Variants in STS observed in about 807,000 individuals in gnomAD.
STS encodes the protein steroid sulfatase.
Under a neutral mutation model 26.8 loss-of-function variants are expected in STS, and 7 were observed. The observed-to-expected ratio is 0.26, with a 90% CI of 0.15 to 0.49. STS has a LOEUF of 0.49. Among genes scored for constraint, STS ranks in the 20% least tolerant of loss-of-function variants. The pLI is 0.98. For missense variants in STS, 434 were observed against 465.6 expected, an observed-to-expected ratio of 0.93 and a Z score of 0.63; for synonymous variants, 199 against 189.4, an observed-to-expected ratio of 1.05 and a Z score of -0.42.
At chrX:7,262,814 G>C (rs186664906) in intron 6 of STS, among the ~76,000 whole-genome samples, 59 of 111,392 alleles carry the variant, frequency 5.3e-4, no homozygotes, top group Non-Finnish European at 8.1e-4. Flanking sequence ...AAGTAAAAAA[G>C]GTAGGCACAC....
intron 2 of STS, among the ~76,000 whole-genome samples, chrX:7,228,443 T>C (rs1288488208): frequency 8.9e-6 from 1 of 111,926 alleles, no homozygotes; most frequent in Non-Finnish European, 1.9e-5. Flanking sequence ...TGATCTCTCA[T>C]TGTGTGTGGG....
intron 8 of STS, among the ~76,000 whole-genome samples, chrX:7,318,113 A>T (rs1394678197): frequency 8.9e-6 from 1 of 111,750 alleles, no homozygotes; most frequent in Non-Finnish European, 1.9e-5. Context: ...ATCAAGAGTT[A>T]ATAAAGTCAC....
intron 7 of STS, among the ~76,000 whole-genome samples, chrX:7,297,132 A>T (rs1925704402): frequency 8.9e-6 from 1 of 112,229 alleles, no homozygotes; most frequent in South Asian, 3.7e-4. Flanking sequence ...GAGCATTGTT[A>T]CTGAGAACTG....
At chrX:7,165,413 C>G (rs1336317207) in intron 1 of STS, among the ~76,000 whole-genome samples, 1 of 110,770 alleles carries the variant, frequency 9.0e-6, no homozygotes, top group Non-Finnish European at 1.9e-5. Context: ...TGTTGGGAGG[C>G]CAAGGAGGGC....
At chrX:7,274,925 A>G (rs1307421788) in intron 6 of STS, among the ~76,000 whole-genome samples, 1 of 112,181 alleles carries the variant, frequency 8.9e-6, no homozygotes, top group Non-Finnish European at 1.9e-5. Context: ...GTAATTGACA[A>G]CTGAAGGTAC....
chrX:7,233,154 C>T (rs1320145348), intron 2 of STS, among the ~76,000 whole-genome samples: 2 of 91,511 alleles, frequency 2.2e-5, no homozygotes, highest in Non-Finnish European at 4.1e-5. Flanking sequence ...AGTGTAATGG[C>T]GCGATCTTGG....
chrX:7,349,060 C>T (rs745931618), intron 10 of STS, among the ~76,000 whole-genome samples: 298 of 107,977 alleles, frequency 2.8e-3, no homozygotes, highest in Non-Finnish European at 3.4e-3. Context: ...TAGCTCACTG[C>T]GGTTTCAACT....
chrX:7,256,601 C>T (rs1362577781), intron 3 of STS, among the ~76,000 whole-genome samples: 4 of 111,728 alleles, frequency 3.6e-5, no homozygotes, highest in Admixed American at 9.5e-5. Context: ...TTTGGTGACA[C>T]AGAGGTAACT....
intron 7 of STS, among the ~76,000 whole-genome samples, chrX:7,278,900 G>A (rs1391109101): frequency 9.0e-6 from 1 of 111,483 alleles, no homozygotes; most frequent in Non-Finnish European, 1.9e-5. Flanking sequence ...ATTCATAGGA[G>A]AAAAGACATA....
chrX:7,316,320 G>A (rs1408022087), intron 8 of STS, among the ~76,000 whole-genome samples: 2 of 111,811 alleles, frequency 1.8e-5, no homozygotes, highest in Non-Finnish European at 3.8e-5. Context: ...TCAAAATTTA[G>A]TAAATTAGAA....
At chrX:7,166,958 A>T (rs1933363439) in intron 1 of STS, among the ~76,000 whole-genome samples, 2 of 111,871 alleles carry the variant, frequency 1.8e-5, no homozygotes, top group Non-Finnish European at 3.8e-5. Context: ...TATTTTATGT[A>T]TATTTGGGAT....
At chrX:7,154,964 A>G (rs1933103668) in intron 1 of STS, among the ~76,000 whole-genome samples, 1 of 112,210 alleles carries the variant, frequency 8.9e-6, no homozygotes, top group Non-Finnish European at 1.9e-5. Flanking sequence ...TTTCTCCTTT[A>G]TTTTACTTGC....
chrX:7,305,944 G>A (rs1330293338), intron 8 of STS, among the ~76,000 whole-genome samples: 1 of 111,877 alleles, frequency 8.9e-6, no homozygotes, highest in Non-Finnish European at 1.9e-5. Context: ...GGATTAGGAC[G>A]AGGGCATCTT....
At chrX:7,335,586 T>C (rs1191691571) in intron 10 of STS, among the ~76,000 whole-genome samples, 2 of 112,141 alleles carry the variant, frequency 1.8e-5, no homozygotes, top group Non-Finnish European at 3.8e-5. Context: ...GTAGTTTCTT[T>C]TGTTGTGCAG....
chrX:7,343,934 C>T (rs1351486525), intron 10 of STS, among the ~76,000 whole-genome samples: 1 of 112,222 alleles, frequency 8.9e-6, no homozygotes, highest in African/African-American at 3.2e-5. Context: ...AGCAACTCTA[C>T]CTGTCTCTGC....
chrX:7,255,554 C>A (rs1923365783), intron 3 of STS, among the ~76,000 whole-genome samples: 1 of 111,776 alleles, frequency 8.9e-6, no homozygotes, highest in Non-Finnish European at 1.9e-5. Flanking sequence ...TATAAAGCCC[C>A]ATGGAAGAAT....
intron 10 of STS, among the ~76,000 whole-genome samples, chrX:7,336,581 A>G (rs1928040966): frequency 8.9e-6 from 1 of 111,941 alleles, no homozygotes; most frequent in Non-Finnish European, 1.9e-5. Flanking sequence ...CATTTTATTC[A>G]CATATCTCAT....
chrX:7,204,786 C>T (rs188153766), intron 2 of STS, among the ~76,000 whole-genome samples: 3 of 103,467 alleles, frequency 2.9e-5, no homozygotes, highest in African/African-American at 1.1e-4. Flanking sequence ...CTCTTTCCTC[C>T]TAACTTCCTC....
At chrX:7,191,030 G>A (rs1273375682) in intron 2 of STS, 22 bp downstream of exon 2, 2 of 746,698 alleles carry the variant, frequency 2.7e-6, no homozygotes, top group African/African-American at 4.7e-5. Flanking sequence ...AGGTGCATAT[G>A]TTTGTATCTT....
Sources: gnomAD v4.1 joint callset for allele counts (sites outside exome capture counted in the v4.1 genomes callset) on GRCh38, gnomAD v4.1.1 for gene constraint, MANE v1.5 for transcripts, NCBI Gene and HGNC (gene_info 2026-07-23, HGNC 2026-07-21) for gene names.